Variants in TSPAN9 observed in about 807,000 individuals in gnomAD.
TSPAN9 encodes the protein tetraspanin-9.
Under a neutral mutation model 31.0 loss-of-function variants are expected in TSPAN9, and 16 were observed. The ratio of observed to expected loss-of-function variants is 0.52; its 90% CI spans 0.35 to 0.78. The LOEUF is 0.78. TSPAN9 is among the 30% of genes least tolerant of loss of function. TSPAN9 has a pLI of 0.01. For synonymous variants in TSPAN9, 145 were observed against 121.6 expected (o/e 1.19, Z -1.27); for missense variants, 272 against 312.5 (o/e 0.87, Z 0.98).
intron 3 of TSPAN9, among the ~76,000 whole-genome samples, chr12:3,260,590 C>T (rs913026853): frequency 8.5e-5 from 13 of 152,166 alleles, no homozygotes; most frequent in African/African-American, 2.7e-4. Context: ...CGCGAGGCAC[C>T]GTAGGAGATG....
intron 3 of TSPAN9, among the ~76,000 whole-genome samples, chr12:3,245,113 G>A (rs1465082578): frequency 6.6e-6 from 1 of 152,228 alleles, no homozygotes; most frequent in Non-Finnish European, 1.5e-5. Flanking sequence ...CTCCTCTCCA[G>A]CCCAGGCAGG....
chr12:3,212,048 C>T (rs903964727), intron 3 of TSPAN9: 28 of 595,870 alleles, frequency 4.7e-5, no homozygotes, highest in South Asian at 6.6e-5. Flanking sequence ...CTCAGCTCAT[C>T]GGAACCTCTG....
At chr12:3,205,264 T>G (rs2098374366) in intron 3 of TSPAN9, among the ~76,000 whole-genome samples, 3 of 152,366 alleles carry the variant, frequency 2.0e-5, no homozygotes, top group South Asian at 4.1e-4. Flanking sequence ...CTATTCCTTG[T>G]GGATCGCTCC....
intron 3 of TSPAN9, among the ~76,000 whole-genome samples, chr12:3,238,958 G>A (rs1457169625): frequency 6.6e-6 from 1 of 152,222 alleles, no homozygotes; most frequent in Non-Finnish European, 1.5e-5. Context: ...TCCCAAAGGA[G>A]GGTCGGGTGG....
chr12:3,094,535 G>T (rs898570847), intron 2 of TSPAN9, among the ~76,000 whole-genome samples: 46 of 140,526 alleles, frequency 3.3e-4, no homozygotes, highest in African/African-American at 1.1e-3. Flanking sequence ...TGTTGTTGTT[G>T]TTGTTTTTTT....
intron 3 of TSPAN9, chr12:3,211,564 C>T: frequency 1.0e-6 from 1 of 979,812 alleles, no homozygotes; most frequent in Non-Finnish European, 1.5e-6. Flanking sequence ...TCATTGAATT[C>T]ATTCATCATC....
At chr12:3,234,456 A>G (rs77572543) in intron 3 of TSPAN9, among the ~76,000 whole-genome samples, 1 of 152,138 alleles carries the variant, frequency 6.6e-6, no homozygotes, top group East Asian at 1.9e-4. Context: ...GCACTGACAT[A>G]GTAGTAGGTA....
chr12:3,166,314 G>A (rs1262189683), intron 2 of TSPAN9, among the ~76,000 whole-genome samples: 4 of 152,062 alleles, frequency 2.6e-5, no homozygotes, highest in Admixed American at 6.5e-5. Context: ...TTAAACAAAC[G>A]TTCCATATTT....
chr12:3,279,598 C>T (rs905432638), intron 5 of TSPAN9, among the ~76,000 whole-genome samples: 1 of 152,204 alleles, frequency 6.6e-6, no homozygotes, highest in South Asian at 2.1e-4. Flanking sequence ...TGTAACCTCG[C>T]CAGGCTGGGC....
rs1048000689 is a variant in TSPAN9, at chr12:3,187,098, G to A, written c.-17-14079G>A. Among the ~76,000 whole-genome samples, 23 of 152,176 alleles carry A rather than the reference G, an allele frequency of 1.5e-4. No individual in the cohort carries two copies. Among genetic ancestry groups the A allele is most frequent in the Admixed American group, 1.0e-3 (16 of 15,282 alleles). ...TTGAACGTCTGCCAGCCCACCACTG[G>A]ATTGTTACCTCTACTCTACCTGTGC... On this transcript the variant is annotated intron_variant, in intron 2 of 8. Coordinates refer to ENST00000011898, the MANE Select transcript of TSPAN9 (RefSeq NM_006675.5). This position sits in a 1 kb window ranked among gnomAD's most constrained non-coding sequence, Gnocchi z 5.2.
At chr12:3,249,636 C>T (rs1862209617) in intron 3 of TSPAN9, among the ~76,000 whole-genome samples, 1 of 152,210 alleles carries the variant, frequency 6.6e-6, no homozygotes, top group South Asian at 2.1e-4. Context: ...GTTAGGGCTG[C>T]TCTCCGAGCA....
intron 3 of TSPAN9, chr12:3,211,743 A>G: frequency 6.3e-7 from 1 of 1,597,680 alleles, no homozygotes; most frequent in Admixed American, 1.7e-5. Flanking sequence ...ACAGTGGAGC[A>G]GCCAACACAC....
Position 3,201,251 on chromosome 12 carries a change from T to C in TSPAN9, c.58T>C (p.Phe20Leu), listed in dbSNP as rs1390549141. 5.6e-6 allele frequency: 9 copies of C among 1,613,962 alleles called. No individual in the cohort carries two copies. The highest frequency in any genetic ancestry group is 6.8e-6 in the Non-Finnish European group (8 of 1,180,002). The change falls in exon 3 of 9, where the codon TTC (phenylalanine) becomes CTC (leucine). Residue 20 changes from phenylalanine (F) to leucine (L), a missense_variant. Coordinates refer to ENST00000011898, the MANE Select transcript of TSPAN9 (RefSeq NM_006675.5). ...KYMMFLFNLI[F>L]WLCGCGLLGV... The stretch of plus-strand genomic sequence containing the variant: ...CATGATGTTCCTCTTCAATTTGATA[T>C]TCTGGGTAAGTCCTTCCGTTTCTCT...
chr12:3,260,054 T>C (rs565557742), intron 3 of TSPAN9, among the ~76,000 whole-genome samples: 1 of 152,348 alleles, frequency 6.6e-6, no homozygotes, highest in African/African-American at 2.4e-5. Context: ...GAGAACCTAG[T>C]ACGCGTGAGA....
chr12:3,245,793 T>C (rs1862113325), intron 3 of TSPAN9, among the ~76,000 whole-genome samples: 1 of 152,140 alleles, frequency 6.6e-6, no homozygotes, highest in Admixed American at 6.5e-5. Flanking sequence ...TCTGCATTTT[T>C]GGTAACTGGT....
At chr12:3,208,148 G>T (rs796381281) in intron 3 of TSPAN9, among the ~76,000 whole-genome samples, 1 of 152,210 alleles carries the variant, frequency 6.6e-6, no homozygotes. Context: ...CGGTGAGAGC[G>T]TATGAACAGG....
chr12:3,180,421 C>A (rs940797418), intron 2 of TSPAN9, among the ~76,000 whole-genome samples: 5 of 151,794 alleles, frequency 3.3e-5, no homozygotes, highest in Non-Finnish European at 5.9e-5. Context: ...AGAGTGTAGT[C>A]AGCTGTGATT....
chr12:3,177,722 C>A (rs12296930), intron 2 of TSPAN9, among the ~76,000 whole-genome samples: 1 of 152,190 alleles, frequency 6.6e-6, no homozygotes, highest in Non-Finnish European at 1.5e-5. Context: ...TGTGAGCAAC[C>A]GCACCCAGCC....
chr12:3,218,426 G>C (rs747259871), intron 3 of TSPAN9, among the ~76,000 whole-genome samples: 1 of 152,252 alleles, frequency 6.6e-6, no homozygotes, highest in African/African-American at 2.4e-5. Flanking sequence ...GGACTGCCAG[G>C]AGGAGACCTT....
Sources: allele counts gnomAD v4.1 joint callset (sites outside exome capture counted in the v4.1 genomes callset), GRCh38; gene constraint gnomAD v4.1.1; non-coding constraint Gnocchi (gnomAD v3.1); transcripts MANE v1.5; gene names NCBI Gene and HGNC (gene_info 2026-07-23, HGNC 2026-07-21).